RBM15B: variants seen among roughly 807,000 people sequenced by gnomAD.
RBM15B encodes the protein RNA binding motif protein 15B, also known as putative RNA-binding protein 15B.
In RBM15B, 11 loss-of-function variants were observed where a neutral mutation model predicts 53.3. The observed-to-expected ratio is 0.21, with a 90% confidence interval of 0.13 to 0.34. The LOEUF is 0.34. RBM15B is among the 10% of genes least tolerant of loss of function. RBM15B has a pLI of 1.00. For missense variants in RBM15B, 1,136 were observed against 1,250.3 expected, an observed-to-expected ratio of 0.91 and a Z score of 1.38; for synonymous variants, 631 against 540.7, an observed-to-expected ratio of 1.17 and a Z score of -2.32.
chr3:51,392,246 G>A lies in RBM15B; in HGVS notation c.847G>A (p.Ala283Thr), dbSNP rs889882911. Residue 283 changes from alanine (A) to threonine (T), a missense_variant, in exon 1 of 1, where the codon GCC becomes ACC. Transcript: ENST00000563281. The surrounding 1 kb of genome is among the most constrained non-coding windows in gnomAD (Gnocchi z 7.5). ...PLREPRARHA[A>T]AAFALDAAAA... ...GCGGGAGCCCCGTGCCCGTCACGCC[G>A]CCGCAGCCTTCGCCCTGGATGCCGC... 1 of 1,586,056 alleles carries A rather than the reference G, an allele frequency of 6.3e-7. No homozygotes were observed. The highest frequency in any genetic ancestry group is 1.3e-5 in the African/African-American group (1 of 74,622).
In RBM15B at chr3:51,395,556, A is replaced by T; in HGVS notation, c.*1484A>T. On this transcript the variant is annotated 3_prime_UTR_variant, in exon 1 of 1. Coordinates refer to ENST00000563281, the MANE Select transcript of RBM15B (RefSeq NM_013286.5). ...GCGTGTCTGGTACCTTGGATGTTCA[A>T]ACAGGGAACACTGTCAGGGCTGAGG... 2.6e-6 allele frequency: 1 copy of T among 379,958 alleles called. No individual in the cohort carries two copies. Among genetic ancestry groups the T allele is most frequent in the Non-Finnish European group, 4.9e-6 (1 of 205,532 alleles). 23.5% of individuals were successfully genotyped at this position (379,958 alleles called of 1,614,324 possible).
At position 51,391,342 on chromosome 3, in the gene RBM15B, G is replaced by A. The variant is rs935671147; in HGVS notation, c.-58G>A. 49 of 1,175,872 alleles carry A rather than the reference G, an allele frequency of 4.2e-5. No homozygotes were observed. The highest frequency in any genetic ancestry group is 1.7e-5 in the Non-Finnish European group (16 of 952,808). The allele number at this position is 1,175,872 out of a possible 1,614,324, so 72.8% of individuals were successfully genotyped here. On this transcript the variant is annotated 5_prime_UTR_variant, in exon 1 of 1. Transcript: ENST00000563281. This position sits in a 1 kb window ranked among gnomAD's most constrained non-coding sequence, Gnocchi z 4.5. ...CGGGGGCGCTGCCTCCTCGGCCGCC[G>A]CCTCCGCCGCCGCCGCTGTGAGAAA... is the stretch of plus-strand genomic sequence containing the variant.
rs1285197780 is a variant in RBM15B, at chr3:51,397,774, T to C, written c.*3702T>C. 6.0e-6 allele frequency: 1 copy of C among 167,098 alleles called. No individual in the cohort carries two copies. The highest frequency in any genetic ancestry group is 1.5e-5 in the Non-Finnish European group (1 of 68,138). The allele number at this position is 167,098 out of a possible 1,614,324, so 10.4% of individuals were successfully genotyped here. A position where few individuals can be genotyped will look rare whatever the true frequency, so the allele number is the denominator to read the frequency against. ...CCTCTCCTGGAAGGTGTCTTCTCTA[T>C]GGCCTGGCTAGAGCTGCAAAAAAGG... On this transcript the variant is annotated 3_prime_UTR_variant, in exon 1 of 1. Transcript: ENST00000563281.
Position 51,396,107 on chromosome 3 carries a change from T to TAAGTC in RBM15B, c.*2036_*2040dup, listed in dbSNP as rs1452333307. 23 of 409,712 alleles carry TAAGTC rather than the reference T, an allele frequency of 5.6e-5. No homozygotes were observed. The highest frequency in any genetic ancestry group is 3.2e-4 in the East Asian group (9 of 27,900). The allele number at this position is 409,712 out of a possible 1,614,324, so 25.4% of individuals were successfully genotyped here. ...GGCCAGAGCTGCCTTGGTATGTTGT[T>TAAGTC]AAGTCCAAAACTTCTTCTCTGGGCT... is the stretch of plus-strand genomic sequence containing the variant. On this transcript the variant is annotated 3_prime_UTR_variant, in exon 1 of 1. Transcript: ENST00000563281.
In RBM15B at chr3:51,395,381, G is replaced by A. The variant is rs1182157434; in HGVS notation, c.*1309G>A. Reference sequence around the variant, plus strand: ...GCCAGTTGGGGAGGAAAGGGATGCGGAGGTACCCTCTAGCTGGGAAGAAGG... The same window carrying A: ...GCCAGTTGGGGAGGAAAGGGATGCGAAGGTACCCTCTAGCTGGGAAGAAGG... On this transcript the variant is annotated 3_prime_UTR_variant, in exon 1 of 1. Coordinates refer to ENST00000563281, the MANE Select transcript of RBM15B (RefSeq NM_013286.5). 5.8e-6 allele frequency: 1 copy of A among 171,702 alleles called. No homozygotes were observed. Among genetic ancestry groups the A allele is most frequent in the African/African-American group, 2.4e-5 (1 of 41,672 alleles). The allele number at this position is 171,702 out of a possible 1,614,324, so 10.6% of individuals were successfully genotyped here.
rs1162220946 is a variant in RBM15B at position 51,397,640 on chromosome 3, C to T, written c.*3568C>T. ...GACCTCTCTCTCCACATTACCCTTA[C>T]AAAAACAGGCCCTCCCCATGAGAGA... On this transcript the variant is annotated 3_prime_UTR_variant, in exon 1 of 1. Coordinates refer to ENST00000563281, the MANE Select transcript of RBM15B (RefSeq NM_013286.5). 1.2e-5 allele frequency: 2 copies of T among 167,024 alleles called. No individual in the cohort carries two copies. The highest frequency in any genetic ancestry group is 3.9e-4 in the East Asian group (2 of 5,180). The allele number at this position is 167,024 out of a possible 1,614,324, so 10.3% of individuals were successfully genotyped here.
rs1276446630 is a variant in RBM15B, at chr3:51,396,531, C to G, written c.*2459C>G. 6.0e-6 allele frequency: 1 copy of G among 167,198 alleles called. No homozygotes were observed. The highest frequency in any genetic ancestry group is 6.5e-5 in the Admixed American group (1 of 15,290). 10.4% of individuals were successfully genotyped at this position (167,198 alleles called of 1,614,324 possible). On this transcript the variant is annotated 3_prime_UTR_variant, in exon 1 of 1. Coordinates refer to ENST00000563281, the MANE Select transcript of RBM15B (RefSeq NM_013286.5). ...ACTTACTTCAGGCATCCAGTGCCCCCACCCAGGGTTCAGGCCCTGTCTAAG... is the reference window on the plus strand; with the variant it reads ...ACTTACTTCAGGCATCCAGTGCCCCGACCCAGGGTTCAGGCCCTGTCTAAG...
chr3:51,395,696 G>C lies in RBM15B; in HGVS notation c.*1624G>C. On this transcript the variant is annotated 3_prime_UTR_variant, in exon 1 of 1. Coordinates refer to ENST00000563281, the MANE Select transcript of RBM15B (RefSeq NM_013286.5). ...GCTCCCTTACCGGAGCTAGGATAAG[G>C]TAGCATGAGTGACACCTGAGATTAG... The C allele has an allele frequency of 2.4e-6, 1 of 412,242 alleles. No individual in the cohort carries two copies. Among genetic ancestry groups the C allele is most frequent in the Non-Finnish European group, 4.4e-6 (1 of 225,738 alleles). 25.5% of individuals were successfully genotyped at this position (412,242 alleles called of 1,614,324 possible). A position where few individuals can be genotyped will look rare whatever the true frequency, so the allele number is the denominator to read the frequency against.
Position 51,397,672 on chromosome 3 carries a change from C to T in RBM15B, c.*3600C>T, listed in dbSNP as rs782013499. On this transcript the variant is annotated 3_prime_UTR_variant, in exon 1 of 1. Coordinates refer to ENST00000563281, the MANE Select transcript of RBM15B (RefSeq NM_013286.5). ...AGGCCCTCCCCATGAGAGAGCTACA[C>T]GGCAGGGGCAGACACTGTGAGTATA... is the stretch of plus-strand genomic sequence containing the variant. The T allele has an allele frequency of 3.0e-4, 50 of 166,766 alleles. No homozygotes were observed. The highest frequency in any genetic ancestry group is 2.5e-4 in the Non-Finnish European group (17 of 68,156). 10.3% of individuals were successfully genotyped at this position (166,766 alleles called of 1,614,324 possible).
chr3:51,393,227 C>T lies in RBM15B; in HGVS notation c.1828C>T (p.Pro610Ser), dbSNP rs369386834. 7 of 1,613,700 alleles carry T rather than the reference C, an allele frequency of 4.3e-6. No individual in the cohort carries two copies. Among genetic ancestry groups the T allele is most frequent in the African/African-American group, 2.7e-5 (2 of 74,912 alleles). ...TGACCGTGGGAGGACAACCCATTCA[C>T]CATATGAGGAACGGAGTAGGACCAA... ...SSDRGRTTHS[P>S]YEERSRTKGS... Residue 610 changes from proline to serine, a missense_variant, in exon 1 of 1, where the codon CCA (proline) becomes TCA (serine). Pro to Ser is a moderately conservative substitution (Grantham distance 74). Transcript: ENST00000563281. This position sits in a 1 kb window ranked among gnomAD's most constrained non-coding sequence, Gnocchi z 5.6.
rs1553622757 is a variant in RBM15B, at chr3:51,395,915, G to C, written c.*1843G>C. On this transcript the variant is annotated 3_prime_UTR_variant, in exon 1 of 1. Coordinates refer to ENST00000563281, the MANE Select transcript of RBM15B (RefSeq NM_013286.5). ...TTTGCCTGTTTTTGTTTTTTTACTT[G>C]AGCTGTGGTCACAGCTGCCAGGTAC... is the stretch of plus-strand genomic sequence containing the variant. The C allele has an allele frequency of 2.4e-6, 1 of 413,270 alleles. No homozygotes were observed. Among genetic ancestry groups the C allele is most frequent in the African/African-American group, 2.1e-5 (1 of 48,582 alleles). The allele number at this position is 413,270 out of a possible 1,614,324, so 25.6% of individuals were successfully genotyped here. A position where few individuals can be genotyped will look rare whatever the true frequency, so the allele number is the denominator to read the frequency against.
At position 51,392,152 on chromosome 3, in the gene RBM15B, C is replaced by T; in HGVS notation, c.753C>T (p.Gly251=). 6.5e-7 allele frequency: 1 copy of T among 1,535,790 alleles called. No individual in the cohort carries two copies. Among genetic ancestry groups the T allele is most frequent in the Middle Eastern group, 1.8e-4 (1 of 5,408 alleles). The change falls in exon 1 of 1, where the codon GGC becomes GGT. Residue 251 remains glycine, a synonymous_variant. Coordinates refer to ENST00000563281, the MANE Select transcript of RBM15B (RefSeq NM_013286.5). This position sits in a 1 kb window ranked among gnomAD's most constrained non-coding sequence, Gnocchi z 7.5. ...CGCCCGCGCCCGCCGACCCGCTCGGCTACCTCCCGCTACACGGAGGCTACC... is the reference window on the plus strand; with the variant it reads ...CGCCCGCGCCCGCCGACCCGCTCGGTTACCTCCCGCTACACGGAGGCTACC... ...PGPPAPADPL[G]YLPLHGGYQY...
chr3:51,391,449 C>T lies in RBM15B; in HGVS notation c.50C>T (p.Ser17Leu), dbSNP rs2089034926. 1 of 1,270,564 alleles carries T rather than the reference C, an allele frequency of 7.9e-7. No homozygotes were observed. The highest frequency in any genetic ancestry group is 1.0e-6 in the Non-Finnish European group (1 of 1,004,992). 78.7% of individuals were successfully genotyped at this position (1,270,564 alleles called of 1,614,324 possible). ...RDSSPSGRGS[S>L]SSAKRPRERE... Reference sequence around the variant, plus strand: ...TCTAGCCCGAGCGGGCGCGGCTCGTCATCGTCCGCCAAGCGTCCGCGGGAG... The same window carrying T: ...TCTAGCCCGAGCGGGCGCGGCTCGTTATCGTCCGCCAAGCGTCCGCGGGAG... Residue 17 changes from serine (S) to leucine (L), a missense_variant, in exon 1 of 1, where the codon TCA (serine) becomes TTA (leucine). Physicochemically the swap from Ser to Leu is moderately radical, Grantham distance 145 (BLOSUM62 -2). Around this residue, in one of 7 missense-constraint regions of RBM15B, gnomAD observed 257 missense variants for 261.1 expected, o/e 0.98. Coordinates refer to ENST00000563281, the MANE Select transcript of RBM15B (RefSeq NM_013286.5). This position sits in a 1 kb window ranked among gnomAD's most constrained non-coding sequence, Gnocchi z 4.5.
chr3:51,396,684 C>T lies in RBM15B; in HGVS notation c.*2612C>T, dbSNP rs1462376438. On this transcript the variant is annotated 3_prime_UTR_variant, in exon 1 of 1. Transcript: ENST00000563281. ...AGGAAGACAGCTGATGCCTCCTTAGCCCCTTAGCACATGTTCCTAAGGTGT... is the reference window on the plus strand; with the variant it reads ...AGGAAGACAGCTGATGCCTCCTTAGTCCCTTAGCACATGTTCCTAAGGTGT... 1.2e-5 allele frequency: 2 copies of T among 167,150 alleles called. No individual in the cohort carries two copies. Among genetic ancestry groups the T allele is most frequent in the South Asian group, 2.1e-4 (1 of 4,832 alleles). 10.4% of individuals were successfully genotyped at this position (167,150 alleles called of 1,614,324 possible).
At position 51,393,321 on chromosome 3, in the gene RBM15B, C is replaced by G. The variant is rs782108410; in HGVS notation, c.1922C>G (p.Ser641Cys). ...GAGCGCAGCCGCAAGGAGAACCACT[C>G]CAGTGAAGGGACCAAGGAGTCCAGC... is the stretch of plus-strand genomic sequence containing the variant. The part of the protein sequence containing the change: ...TPERSRKENH[S>C]SEGTKESSSN... The change falls in exon 1 of 1, where the codon TCC (serine) becomes TGC (cysteine). Residue 641 changes from serine to cysteine, a missense_variant. By Grantham distance (112) the Ser-to-Cys change is moderately radical. Transcript: ENST00000563281. This position sits in a 1 kb window ranked among gnomAD's most constrained non-coding sequence, Gnocchi z 5.6. 17 of 1,610,566 alleles carry G rather than the reference C, an allele frequency of 1.1e-5. No individual in the cohort carries two copies. The South Asian group carries it at 1.7e-4, about 16-fold the overall frequency.
rs2106639646 is a variant in RBM15B, at chr3:51,391,817, A to G, written c.418A>G (p.Thr140Ala). The G allele has an allele frequency of 6.2e-7, 1 of 1,600,680 alleles. No homozygotes were observed. Among genetic ancestry groups the G allele is most frequent in the Non-Finnish European group, 8.5e-7 (1 of 1,179,082 alleles). The change falls in exon 1 of 1, where the codon ACG becomes GCG. Residue 140 changes from threonine to alanine, a missense_variant. By Grantham distance (58) the Thr-to-Ala change is moderately conservative. Around this residue, in one of 7 missense-constraint regions of RBM15B, gnomAD observed 257 missense variants for 261.1 expected, o/e 0.98. Transcript: ENST00000563281. This position sits in a 1 kb window ranked among gnomAD's most constrained non-coding sequence, Gnocchi z 4.5. ...ATCCGCGGCCGCGCCTGAGTACAAGACGTTGCTCATCAGCAGCTTGAGCCC... is the reference window on the plus strand; with the variant it reads ...ATCCGCGGCCGCGCCTGAGTACAAGGCGTTGCTCATCAGCAGCTTGAGCCC... ...GSSAAAPEYK[T>A]LLISSLSPAL... is the part of the protein sequence containing the mutation.
Position 51,391,735 on chromosome 3 carries a change from G to C in RBM15B, c.336G>C (p.Ala112=), listed in dbSNP as rs2089040247. The C allele has an allele frequency of 1.3e-6, 2 of 1,505,280 alleles. No homozygotes were observed. Among genetic ancestry groups the C allele is most frequent in the Non-Finnish European group, 1.8e-6 (2 of 1,138,662 alleles). 93.2% of individuals were successfully genotyped at this position (1,505,280 alleles called of 1,614,324 possible). Residue 112 remains alanine, a synonymous_variant, in exon 1 of 1, where the codon GCG becomes GCC. Transcript: ENST00000563281. This position sits in a 1 kb window ranked among gnomAD's most constrained non-coding sequence, Gnocchi z 4.5. ...GCGCCTCCGGCATGTCGCCCCGCGC[G>C]TCTCCTCTGCCGCCGCCTCCGCCAC... ...DPGASGMSPR[A]SPLPPPPPPP...
Position 51,395,850 on chromosome 3 carries a change from C to T in RBM15B, c.*1778C>T, listed in dbSNP as rs2089165884. The T allele has an allele frequency of 2.4e-6, 1 of 413,392 alleles. No homozygotes were observed. The highest frequency in any genetic ancestry group is 2.1e-5 in the African/African-American group (1 of 48,628). The allele number at this position is 413,392 out of a possible 1,614,324, so 25.6% of individuals were successfully genotyped here. A position where few individuals can be genotyped will look rare whatever the true frequency, so the allele number is the denominator to read the frequency against. On this transcript the variant is annotated 3_prime_UTR_variant, in exon 1 of 1. Transcript: ENST00000563281. ...CGCAAGAGAGCAAGCACGTTCATAA[C>T]AAAACAGCAACACAAAGACATGTTA...
rs1205565817 is a variant in RBM15B at position 51,391,725 on chromosome 3, C to T, written c.326C>T (p.Ser109Leu). The T allele has an allele frequency of 8.3e-6, 12 of 1,452,968 alleles. No homozygotes were observed. In the Admixed American group the frequency reaches 1.6e-4, roughly 20 times the overall value. 90.0% of individuals were successfully genotyped at this position (1,452,968 alleles called of 1,614,324 possible). Reference sequence around the variant, plus strand: ...GGGGACCCGGGCGCCTCCGGCATGTCGCCCCGCGCGTCTCCTCTGCCGCCG... The same window carrying T: ...GGGGACCCGGGCGCCTCCGGCATGTTGCCCCGCGCGTCTCCTCTGCCGCCG... ...ASGDPGASGM[S>L]PRASPLPPPP... The change falls in exon 1 of 1, where the codon TCG becomes TTG. Residue 109 changes from serine (S) to leucine (L), a missense_variant. Around this residue, in one of 7 missense-constraint regions of RBM15B, gnomAD observed 257 missense variants for 261.1 expected, o/e 0.98. Transcript: ENST00000563281. This position sits in a 1 kb window ranked among gnomAD's most constrained non-coding sequence, Gnocchi z 4.5.
Sources: gnomAD v4.1 joint callset for allele counts on GRCh38, gnomAD v4.1.1 for gene constraint, gnomAD v4.1.1 regional missense constraint, Gnocchi (gnomAD v3.1) non-coding constraint, MANE v1.5 for transcripts, NCBI Gene and HGNC (gene_info 2026-07-23, HGNC 2026-07-21) for gene names.